FYB2: variants seen among roughly 807,000 people sequenced by gnomAD.
FYB2 encodes FYN-binding protein 2.
FYB2 carries 103 observed loss-of-function variants against 94.1 expected under a neutral mutation model. That is an observed-to-expected ratio of 1.09 (90% CI 0.93 to 1.29). FYB2 has a LOEUF of 1.29. Among genes scored for constraint, FYB2 ranks in the 50% most tolerant of loss-of-function variants. The pLI is 0.00. For missense variants in FYB2, 896 were observed against 841.5 expected (o/e 1.06, Z -0.80); for synonymous variants, 293 against 287.9 (o/e 1.02, Z -0.18).
Position 56,819,069 on chromosome 1 carries a change from G to T in FYB2, c.9+213C>A, listed in dbSNP as rs186569927. On this transcript the variant is annotated intron_variant, in intron 1 of 19. Transcript: ENST00000343433. ...CACCTCCTGTCCCCTCACACTCCAG[G>T]TGGCACAGGACATGGCACACTCCTC... 7.2e-3 allele frequency among the ~76,000 whole-genome samples: 1,091 copies of T among 152,280 alleles called. 3 individuals are homozygous for T. The highest frequency in any genetic ancestry group is 0.02 in the Middle Eastern group (6 of 294).
intron 15 of FYB2, among the ~76,000 whole-genome samples, chr1:56,731,336 T>C (rs1482176456): frequency 6.6e-6 from 1 of 152,056 alleles, no homozygotes. Flanking sequence ...TGAGACAATT[T>C]AAAATATTTT....
intron 8 of FYB2, 37 bp from the exon 9 acceptor site, chr1:56,751,240 T>C: frequency 6.3e-7 from 1 of 1,591,896 alleles, no homozygotes. Flanking sequence ...TGTAGGGCTG[T>C]GACTTACCTA....
intron 4 of FYB2, among the ~76,000 whole-genome samples, chr1:56,784,745 GTCTA>G (rs893497197): frequency 1.3e-5 from 2 of 152,090 alleles, no homozygotes; most frequent in Non-Finnish European, 2.9e-5. Context: ...CCATTGGTCT[GTCTA>G]TCTGTTTGTC....
chr1:56,767,188 G>A (rs1184834218), intron 5 of FYB2, among the ~76,000 whole-genome samples: 1 of 152,184 alleles, frequency 6.6e-6, no homozygotes, highest in Non-Finnish European at 1.5e-5. Flanking sequence ...GCCTTTTATA[G>A]AGAACTGGCT....
chr1:56,750,897 C>T (rs1645181237), intron 9 of FYB2, 147 bp downstream of exon 9: 4 of 867,282 alleles, frequency 4.6e-6, no homozygotes, highest in Non-Finnish European at 6.9e-6. Flanking sequence ...TTTTTTTCCA[C>T]TACTGCACAG....
At chr1:56,753,201 C>T (rs1645242147) in intron 8 of FYB2, among the ~76,000 whole-genome samples, 1 of 152,006 alleles carries the variant, frequency 6.6e-6, no homozygotes, top group Non-Finnish European at 1.5e-5. Context: ...CTGGCAATAG[C>T]CCTGGTGGTG....
At chr1:56,822,688 C>G (rs972663816), upstream of FYB2, among the ~76,000 whole-genome samples, 1 of 149,032 alleles carries the variant, frequency 6.7e-6, no homozygotes, top group African/African-American at 2.5e-5. Flanking sequence ...CCTCTCTCAG[C>G]AAACATATTA....
chr1:56,809,525 ACT>A (rs1275328726), intron 1 of FYB2, among the ~76,000 whole-genome samples: 1 of 152,044 alleles, frequency 6.6e-6, no homozygotes, highest in African/African-American at 2.4e-5. Context: ...CACACATGTC[ACT>A]CTCTTTCCAG....
intron 16 of FYB2, among the ~76,000 whole-genome samples, chr1:56,725,592 G>T (rs576921837): frequency 2.2e-4 from 33 of 152,112 alleles, no homozygotes; most frequent in Non-Finnish European, 3.1e-4. Context: ...GTTATGCTGT[G>T]CAAATGTATG....
At chr1:56,790,846 G>C (rs556263193) in intron 2 of FYB2, among the ~76,000 whole-genome samples, 6 of 152,116 alleles carry the variant, frequency 3.9e-5, no homozygotes, top group African/African-American at 1.4e-4. Flanking sequence ...AGCTGACCTC[G>C]GAAAGTTTTT....
intron 1 of FYB2, among the ~76,000 whole-genome samples, chr1:56,811,284 G>T (rs1371969827): frequency 1.3e-5 from 2 of 152,166 alleles, no homozygotes; most frequent in African/African-American, 4.8e-5. Context: ...TTGTAACCAA[G>T]AAATTTAGCT....
intron 17 of FYB2, among the ~76,000 whole-genome samples, chr1:56,721,534 A>G (rs1471228524): frequency 1.3e-5 from 2 of 152,050 alleles, no homozygotes; most frequent in East Asian, 3.9e-4. Flanking sequence ...GTGAATTCAT[A>G]GTGATTTCTT....
intron 6 of FYB2, among the ~76,000 whole-genome samples, 162 bp downstream of exon 6, chr1:56,758,554 C>T (rs985411274): frequency 2.0e-5 from 3 of 152,106 alleles, no homozygotes; most frequent in African/African-American, 7.2e-5. Context: ...AGTAACAGGG[C>T]TCAAAGTGCA....
chr1:56,753,912 AT>A lies in FYB2; in HGVS notation c.1153del (p.Met385Ter), dbSNP rs762431846. The A allele has an allele frequency of 3.1e-6, 5 of 1,608,968 alleles. No homozygotes were observed. Among genetic ancestry groups the A allele is most frequent in the Non-Finnish European group, 4.2e-6 (5 of 1,176,576 alleles). ...EPSAKHEDKK[M>X]KEKQPCELKP... Reference sequence around the variant, plus strand: ...CAATTCACATGGTTGTTTTTCCTTCATTTTTTTATCTTCATGTTTAGCACTG... The same window carrying A: ...CAATTCACATGGTTGTTTTTCCTTCATTTTTTATCTTCATGTTTAGCACTG... On this transcript the variant is annotated frameshift_variant, in exon 8 of 20. Coordinates refer to ENST00000343433, the MANE Select transcript of FYB2 (RefSeq NM_001004303.5). LOFTEE classifies it high-confidence loss of function.
At chr1:56,753,679 C>T (rs1018203056) in intron 8 of FYB2, among the ~76,000 whole-genome samples, 160 bp downstream of exon 8, 3 of 152,040 alleles carry the variant, frequency 2.0e-5, no homozygotes, top group African/African-American at 7.2e-5. Context: ...GGGGCTGGAG[C>T]TTAGTGTCAT....
At chr1:56,811,755 CCAAACAAA>C (rs10574325) in intron 1 of FYB2, among the ~76,000 whole-genome samples, 28 of 144,810 alleles carry the variant, frequency 1.9e-4, no homozygotes, top group African/African-American at 4.7e-4. Context: ...TTGTAATGGA[CCAAACAAA>C]CAAACAAACA....
chr1:56,813,439 C>T (rs530933715), intron 1 of FYB2, among the ~76,000 whole-genome samples: 270 of 152,268 alleles, frequency 1.8e-3, no homozygotes, highest in Non-Finnish European at 3.1e-3. Context: ...TTCACTATCA[C>T]GAGAACATCA....
intron 13 of FYB2, 100 bp from the exon 14 acceptor site, chr1:56,738,753 C>A: frequency 2.4e-6 from 3 of 1,235,760 alleles, no homozygotes; most frequent in Non-Finnish European, 3.4e-6. Context: ...TGCTGGATTG[C>A]CCTTCTTGCC....
At position 56,753,044 on chromosome 1, in the gene FYB2, A is replaced by G. The variant is rs61676783; in HGVS notation, c.1227+795T>C. On this transcript the variant is annotated intron_variant, in intron 8 of 19. Transcript: ENST00000343433. ...TTCTGATGCTCTCTGAACACCCAACATGGTCCAGCCCAACCTCTGGACCTA... is the reference window on the plus strand; with the variant it reads ...TTCTGATGCTCTCTGAACACCCAACGTGGTCCAGCCCAACCTCTGGACCTA... Among the ~76,000 whole-genome samples, 3 of 151,914 alleles carry G rather than the reference A, an allele frequency of 2.0e-5. No homozygotes were observed. In the East Asian group the frequency reaches 5.8e-4, roughly 29 times the overall value.
Sources: gnomAD v4.1 joint callset for allele counts (sites outside exome capture counted in the v4.1 genomes callset) on GRCh38, gnomAD v4.1.1 for gene constraint, MANE v1.5 for transcripts, NCBI Gene and HGNC (gene_info 2026-07-23, HGNC 2026-07-21) for gene names.